Variants in PLCG2 observed in about 807,000 individuals in gnomAD.
The protein encoded by PLCG2 is 1-phosphatidylinositol 4,5-bisphosphate phosphodiesterase gamma-2.
Under a neutral mutation model 175.6 loss-of-function variants are expected in PLCG2, and 69 were observed. The observed-to-expected ratio is 0.39, with a 90% CI of 0.32 to 0.48. The LOEUF (loss-of-function observed/expected upper bound fraction) is 0.48, where lower values mean the gene tolerates loss of function less well. PLCG2 is among the 20% of genes least tolerant of loss of function. PLCG2 has a pLI of 0.91. For synonymous variants in PLCG2, 827 were observed against 624.0 expected (o/e 1.33, Z -4.85); for missense variants, 1,798 against 1,650.9 (o/e 1.09, Z -1.54).
intron 5 of PLCG2, among the ~76,000 whole-genome samples, chr16:81,863,357 G>C (rs889745302): frequency 2.0e-5 from 3 of 152,232 alleles, no homozygotes; most frequent in African/African-American, 7.2e-5. Flanking sequence ...AGTTTCATCT[G>C]TGTTGTAGCA....
chr16:81,821,055 C>G (rs1008089779), intron 2 of PLCG2, among the ~76,000 whole-genome samples: 20 of 152,092 alleles, frequency 1.3e-4, no homozygotes, highest in African/African-American at 4.6e-4. Flanking sequence ...TCATGCCTGG[C>G]TAATTTTTGT....
At chr16:81,762,848 A>G (rs144988919) in intron 2 of PLCG2, among the ~76,000 whole-genome samples, 2 of 152,320 alleles carry the variant, frequency 1.3e-5, no homozygotes, top group East Asian at 1.9e-4. Context: ...ACTTGAGGCC[A>G]GGAGTTTAAG....
rs754797665 is a variant in PLCG2 at position 81,859,143 on chromosome 16, G to C, written c.459G>C (p.Val153=). The change falls in exon 5 of 33, where the codon GTG becomes GTC. Residue 153 remains valine (V), a synonymous_variant. Transcript: ENST00000564138. ...GGCTGAGAAAGCAGATATATTCTGTGGATCAAACCAGAAGAAACAGGTAAG... is the reference window on the plus strand; with the variant it reads ...GGCTGAGAAAGCAGATATATTCTGTCGATCAAACCAGAAGAAACAGGTAAG... ...ESWLRKQIYS[V]DQTRRNSISL... 1 of 1,597,356 alleles carries C rather than the reference G, an allele frequency of 6.3e-7. No individual in the cohort carries two copies. Among genetic ancestry groups the C allele is most frequent in the Non-Finnish European group, 8.6e-7 (1 of 1,164,810 alleles).
intron 5 of PLCG2, among the ~76,000 whole-genome samples, chr16:81,859,465 A>G (rs551146208): frequency 2.0e-5 from 3 of 152,026 alleles, no homozygotes; most frequent in Admixed American, 1.3e-4. Context: ...CAGTAACCAC[A>G]CTCCTGATGG....
At chr16:81,935,875 C>G (rs927460036) in intron 26 of PLCG2, 2 of 985,096 alleles carry the variant, frequency 2.0e-6, no homozygotes, top group Non-Finnish European at 2.4e-6. Flanking sequence ...AACTGTACCA[C>G]TTTTGTGTTT....
chr16:81,893,415 C>T (rs563575876), intron 11 of PLCG2, among the ~76,000 whole-genome samples: 53 of 150,034 alleles, frequency 3.5e-4, no homozygotes, highest in African/African-American at 1.2e-3. Flanking sequence ...TTGCTTCTGA[C>T]GTGCTTTGAC....
intron 30 of PLCG2, among the ~76,000 whole-genome samples, chr16:81,943,070 T>A (rs1360788096): frequency 1.3e-5 from 2 of 152,178 alleles, no homozygotes; most frequent in Admixed American, 1.3e-4. Context: ...CAGATAGTAC[T>A]GTCCAGCCTG....
At chr16:81,874,948 G>GTTTTTTTTTTTTTTTTTT (rs770994063) in intron 7 of PLCG2, among the ~76,000 whole-genome samples, 2 of 40,770 alleles carry the variant, frequency 4.9e-5, no homozygotes, top group African/African-American at 7.8e-5. Context: ...TATCCTATGT[G>GTTTTTTTTTTTTTTTTTT]TTTTTTTTTT....
At chr16:81,765,618 G>A (rs1047403480) in intron 2 of PLCG2, among the ~76,000 whole-genome samples, 3 of 152,236 alleles carry the variant, frequency 2.0e-5, no homozygotes, top group Admixed American at 1.3e-4. Flanking sequence ...ATGACAGAGT[G>A]AGACTCGGTC....
intron 2 of PLCG2, among the ~76,000 whole-genome samples, chr16:81,809,607 C>T (rs1023075986): frequency 2.6e-5 from 4 of 152,182 alleles, no homozygotes; most frequent in African/African-American, 7.2e-5. Context: ...CAGAGACCCA[C>T]TTAGACCCTG....
intron 1 of PLCG2, among the ~76,000 whole-genome samples, chr16:81,748,170 C>T (rs529812002): frequency 3.0e-4 from 45 of 152,238 alleles, no homozygotes; most frequent in African/African-American, 9.9e-4. Flanking sequence ...CCACCGCACC[C>T]GGCCAAGGCC....
At chr16:81,899,282 A>G (rs1002865370) in intron 13 of PLCG2, among the ~76,000 whole-genome samples, 2 of 132,790 alleles carry the variant, frequency 1.5e-5, no homozygotes, top group Admixed American at 1.4e-4. Flanking sequence ...ATATATATAT[A>G]TATATATACA....
intron 2 of PLCG2, among the ~76,000 whole-genome samples, chr16:81,840,916 C>G (rs1274905586): frequency 1.3e-5 from 2 of 152,174 alleles, no homozygotes; most frequent in Admixed American, 6.5e-5. Context: ...AGGGAGTGGT[C>G]CCTTCCTCCC....
rs114050040 is a variant in PLCG2, at chr16:81,807,550, G to C, written c.193+21368G>C. On this transcript the variant is annotated intron_variant, in intron 2 of 32. Coordinates refer to ENST00000564138, the MANE Select transcript of PLCG2 (RefSeq NM_002661.5). ...TTATGTAGTATATGTTTATGTACCT[G>C]TTACAGCTCTAAGAGCTTTCCCTGT... 3.9e-3 allele frequency among the ~76,000 whole-genome samples: 590 copies of C among 152,314 alleles called. 2 individuals carry two copies. Among genetic ancestry groups the C allele is most frequent in the African/African-American group, 0.014 (565 of 41,566 alleles).
In PLCG2 at chr16:81,960,695, T is replaced by C. The variant is rs1478041089; in HGVS notation, c.*2697T>C. ...ACACATTTGAAGACCTACTGCTCTA[T>C]TAAGAAGGCAGCCGGACAACATGTT... On this transcript the variant is annotated 3_prime_UTR_variant, in exon 33 of 33. Coordinates refer to ENST00000564138, the MANE Select transcript of PLCG2 (RefSeq NM_002661.5). 8.7e-6 allele frequency: 2 copies of C among 230,008 alleles called. No homozygotes were observed. The highest frequency in any genetic ancestry group is 2.2e-5 in the African/African-American group (1 of 45,172). The allele number at this position is 230,008 out of a possible 1,614,324, so 14.2% of individuals were successfully genotyped here.
At chr16:81,857,626 G>T (rs1256661000) in intron 3 of PLCG2, among the ~76,000 whole-genome samples, 1 of 139,994 alleles carries the variant, frequency 7.1e-6, no homozygotes, top group Non-Finnish European at 1.6e-5. Flanking sequence ...TAGAGAGGGA[G>T]CTCTAGTCTC....
chr16:81,759,948 A>C (rs1910003453), intron 2 of PLCG2, among the ~76,000 whole-genome samples: 1 of 152,090 alleles, frequency 6.6e-6, no homozygotes, highest in Non-Finnish European at 1.5e-5. Flanking sequence ...AACACGGTGA[A>C]ACCCCGTCTC....
At chr16:81,906,252 T>C (rs555523542) in intron 15 of PLCG2, 3 of 152,306 alleles carry the variant, frequency 2.0e-5, no homozygotes, top group Admixed American at 1.3e-4. Context: ...ATTTAGGTTG[T>C]CCTGACTCCT....
chr16:81,955,373 G>A (rs187711877), intron 31 of PLCG2, among the ~76,000 whole-genome samples: 17 of 152,218 alleles, frequency 1.1e-4, no homozygotes, highest in Admixed American at 1.1e-3. Flanking sequence ...AACTCCATCG[G>A]GAAAGGCCAA....
Sources: allele counts gnomAD v4.1 joint callset (sites outside exome capture counted in the v4.1 genomes callset), GRCh38; gene constraint gnomAD v4.1.1; transcripts MANE v1.5; gene names NCBI Gene and HGNC (gene_info 2026-07-23, HGNC 2026-07-21).